The following ASIC2 variants were observed in gnomAD, a reference collection of about 807,000 sequenced individuals.
ASIC2 encodes acid sensing ion channel subunit 2.
Under a neutral mutation model 57.3 loss-of-function variants are expected in ASIC2, and 25 were observed. The observed-to-expected ratio is 0.44, with a 90% confidence interval of 0.32 to 0.61. ASIC2 has a LOEUF of 0.61. Among genes scored for constraint, ASIC2 ranks in the 20% least tolerant of loss-of-function variants. The pLI, the probability that ASIC2 is intolerant of heterozygous loss-of-function variation, is 0.06. For missense variants in ASIC2, 641 were observed against 738.1 expected, an observed-to-expected ratio of 0.87 and a Z score of 1.52; for synonymous variants, 319 against 307.5, an observed-to-expected ratio of 1.04 and a Z score of -0.39.
intron 1 of ASIC2, among the ~76,000 whole-genome samples, chr17:33,461,296 A>C (rs1347151093): frequency 3.3e-5 from 5 of 152,230 alleles, no homozygotes; most frequent in Admixed American, 2.0e-4. Flanking sequence ...GGTCTTGCCC[A>C]GGTCCTGGGG....
intron 1 of ASIC2, among the ~76,000 whole-genome samples, chr17:33,537,717 G>C (rs1461655483): frequency 1.3e-5 from 2 of 152,182 alleles, no homozygotes; most frequent in African/African-American, 4.8e-5. Context: ...TGGATGGGCT[G>C]ACTATGTCCA....
intron 1 of ASIC2, among the ~76,000 whole-genome samples, chr17:33,855,925 G>A (rs1213759132): frequency 2.6e-5 from 4 of 152,058 alleles, no homozygotes; most frequent in African/African-American, 9.7e-5. Flanking sequence ...CTGGTGCTAT[G>A]CCTGGATATT....
intron 1 of ASIC2, among the ~76,000 whole-genome samples, chr17:34,067,510 C>CT (rs1909215774): frequency 2.0e-5 from 3 of 152,006 alleles, no homozygotes; most frequent in Admixed American, 1.3e-4. Flanking sequence ...ATTGGAATAG[C>CT]TTTTTTAAAG....
At chr17:33,764,166 A>C (rs1261181665) in intron 1 of ASIC2, among the ~76,000 whole-genome samples, 1 of 152,060 alleles carries the variant, frequency 6.6e-6, no homozygotes, top group Non-Finnish European at 1.5e-5. Context: ...AAAAAACAAA[A>C]TTTAGCCAGG....
rs1277508817 is a variant in ASIC2, at chr17:33,021,247, C to G, written c.1413G>C (p.Lys471Asn). The part of the protein sequence containing the change: ...EALNYETIEQ[K>N]KAYEVAALLG... ...GTAAGGCAGCAACTTCATACGCCTTCTTCTGTTCAATTGTCTCATAATTGA... is the reference window on the plus strand; with the variant it reads ...GTAAGGCAGCAACTTCATACGCCTTGTTCTGTTCAATTGTCTCATAATTGA... Residue 471 changes from lysine (K) to asparagine (N), a missense_variant, in exon 7 of 10, where the codon AAG becomes AAC. Lys to Asn is a moderately conservative substitution (Grantham distance 94). Transcript: ENST00000225823. 1 of 1,487,582 alleles carries G rather than the reference C, an allele frequency of 6.7e-7. No homozygotes were observed. The highest frequency in any genetic ancestry group is 2.9e-5 in the East Asian group (1 of 34,442). The allele number at this position is 1,487,582 out of a possible 1,614,324, so 92.1% of individuals were successfully genotyped here.
chr17:33,045,992 A>G (rs2091952797), intron 3 of ASIC2, among the ~76,000 whole-genome samples: 1 of 152,204 alleles, frequency 6.6e-6, no homozygotes, highest in Non-Finnish European at 1.5e-5. Flanking sequence ...GGGTCTACTC[A>G]TATGGACTAA....
intron 8 of ASIC2, among the ~76,000 whole-genome samples, chr17:33,017,023 C>T (rs1346073782): frequency 3.3e-5 from 5 of 152,200 alleles, no homozygotes; most frequent in African/African-American, 1.2e-4. Flanking sequence ...TCAGAGGCCT[C>T]GTTCCAGCTG....
At chr17:33,065,343 A>AT (rs35416686) in intron 3 of ASIC2, among the ~76,000 whole-genome samples, 3,159 of 144,014 alleles carry the variant, frequency 0.022, 89 homozygotes, top group African/African-American at 0.066. Context: ...ACTTCCTGCT[A>AT]TTTTTTTTTT....
chr17:33,115,262 G>C (rs1329984884), intron 1 of ASIC2, among the ~76,000 whole-genome samples: 2 of 152,196 alleles, frequency 1.3e-5, no homozygotes, highest in African/African-American at 4.8e-5. Flanking sequence ...GGTCACCAGA[G>C]TAGCAGGGGT....
intron 3 of ASIC2, among the ~76,000 whole-genome samples, chr17:33,045,235 C>A (rs1255671418): frequency 6.6e-6 from 1 of 152,180 alleles, no homozygotes; most frequent in Non-Finnish European, 1.5e-5. Flanking sequence ...GCAGGTCTCG[C>A]CCCTGTTAAA....
chr17:33,716,495 G>A (rs1196945472), intron 1 of ASIC2, among the ~76,000 whole-genome samples: 8 of 152,222 alleles, frequency 5.3e-5, no homozygotes, highest in Non-Finnish European at 1.2e-4. Flanking sequence ...CAAAGTGGGA[G>A]CTATTTCCAA....
At chr17:33,928,957 C>T (rs560247081) in intron 1 of ASIC2, among the ~76,000 whole-genome samples, 4 of 152,262 alleles carry the variant, frequency 2.6e-5, no homozygotes, top group South Asian at 2.1e-4. Flanking sequence ...GGGAGGCGCT[C>T]GTTCTTGGAT....
chr17:33,862,213 C>T (rs936222651), intron 1 of ASIC2, among the ~76,000 whole-genome samples: 1 of 152,198 alleles, frequency 6.6e-6, no homozygotes, highest in East Asian at 1.9e-4. Flanking sequence ...GTTTTCCAAA[C>T]ATTTTGCAAA....
intron 1 of ASIC2, among the ~76,000 whole-genome samples, chr17:33,499,778 A>G (rs1190709525): frequency 6.6e-6 from 1 of 152,196 alleles, no homozygotes; most frequent in Non-Finnish European, 1.5e-5. Flanking sequence ...TTTCTGTTGG[A>G]TTGCACCTGA....
At chr17:33,409,524 T>C (rs1382473186) in intron 1 of ASIC2, among the ~76,000 whole-genome samples, 2 of 152,206 alleles carry the variant, frequency 1.3e-5, no homozygotes, top group Admixed American at 1.3e-4. Context: ...ATGCGTGAAG[T>C]TGGCATCAGC....
At chr17:33,711,389 A>G (rs1433737842) in intron 1 of ASIC2, among the ~76,000 whole-genome samples, 2 of 152,054 alleles carry the variant, frequency 1.3e-5, no homozygotes, top group African/African-American at 4.8e-5. Flanking sequence ...CCACAGTTAT[A>G]CCCACCTGGG....
At chr17:33,642,220 C>CCCA (rs1555549373) in intron 1 of ASIC2, among the ~76,000 whole-genome samples, 4 of 139,224 alleles carry the variant, frequency 2.9e-5, no homozygotes, top group Non-Finnish European at 4.8e-5. Context: ...CCCCCCCCCC[C>CCCA]CACACACAAT....
At chr17:33,042,559 T>C (rs2091933786) in intron 3 of ASIC2, among the ~76,000 whole-genome samples, 1 of 152,214 alleles carries the variant, frequency 6.6e-6, no homozygotes, top group Admixed American at 6.5e-5. Flanking sequence ...ACCGTCTCAT[T>C]GAATCCTCAT....
At chr17:34,116,494 G>A (rs937153431) in intron 1 of ASIC2, among the ~76,000 whole-genome samples, 1 of 152,148 alleles carries the variant, frequency 6.6e-6, no homozygotes, top group Non-Finnish European at 1.5e-5. Flanking sequence ...GTGAGGTGGT[G>A]TAATTCCTGC....
Sources: allele counts gnomAD v4.1 joint callset (sites outside exome capture counted in the v4.1 genomes callset), GRCh38; gene constraint gnomAD v4.1.1; transcripts MANE v1.5; gene names NCBI Gene and HGNC (gene_info 2026-07-23, HGNC 2026-07-21).